Variants in APOL2 observed in about 807,000 individuals in gnomAD.
The protein encoded by APOL2 is apolipoprotein L, 2.
In APOL2, 8 loss-of-function variants were observed where a neutral mutation model predicts 7.1. That is an observed-to-expected ratio of 1.12 (90% CI 0.66 to 2.03). The LOEUF (loss-of-function observed/expected upper bound fraction) is 2.03, where lower values mean the gene tolerates loss of function less well. Ranked by LOEUF, APOL2 falls within the 30% of genes most tolerant of loss-of-function variation. The pLI is 0.00. For missense variants in APOL2, 471 were observed against 415.1 expected, an observed-to-expected ratio of 1.13 and a Z score of -1.17; for synonymous variants, 177 against 159.9, an observed-to-expected ratio of 1.11 and a Z score of -0.81.
upstream of APOL2, chr22:36,239,855 G>A (rs1053690162): frequency 2.1e-5 from 6 of 287,520 alleles, no homozygotes; most frequent in South Asian, 4.7e-5. Flanking sequence ...CCCAACCCCC[G>A]CCCCGATCTC....
Position 36,227,596 on chromosome 22 carries a change from G to T in APOL2, c.822C>A (p.Ile274=). 6.2e-7 allele frequency: 1 copy of T among 1,614,246 alleles called. No homozygotes were observed. The highest frequency in any genetic ancestry group is 1.1e-5 in the South Asian group (1 of 91,086). ...AGATGCCTCCAGTGGCTGCACCCAC[G>T]ATCATGGTTCCTCTGCTCATTGCCT... The part of the protein sequence containing the change: ...PAQAMSRGTM[I]VGAATGGILL... Residue 274 remains isoleucine (I), a synonymous_variant, in exon 5 of 5, where the codon ATC becomes ATA. Transcript: ENST00000358502.
intron 4 of APOL2, 90 bp from the exon 5 acceptor site, chr22:36,228,370 G>A: frequency 6.8e-7 from 1 of 1,479,570 alleles, no homozygotes; most frequent in Non-Finnish European, 9.1e-7. Context: ...GTAAATTGCA[G>A]AGCTTTCACT....
At chr22:36,239,764 G>C (rs1457889974), upstream of APOL2, 1 of 506,352 alleles carries the variant, frequency 2.0e-6, no homozygotes. Context: ...AAGGTCTGCT[G>C]TGTCAGCTGC....
chr22:36,231,731 A>G (rs1279615314), intron 3 of APOL2, among the ~76,000 whole-genome samples: 1 of 152,194 alleles, frequency 6.6e-6, no homozygotes, highest in Non-Finnish European at 1.5e-5. Flanking sequence ...CTCTAATCCT[A>G]CTAGAGGGCT....
Position 36,239,421 on chromosome 22 carries a change from T to C in APOL2, c.-134+20A>G. On this transcript the variant is annotated intron_variant, in intron 1 of 4. Coordinates refer to ENST00000358502, the MANE Select transcript of APOL2 (RefSeq NM_030882.4). Reference sequence around the variant, plus strand: ...GCAAGAATAAGGACATGGGGGTAGATCACACTATCCCCAACTTACCAAGGG... The same window carrying C: ...GCAAGAATAAGGACATGGGGGTAGACCACACTATCCCCAACTTACCAAGGG... The C allele has an allele frequency of 3.3e-6, 5 of 1,534,876 alleles. No homozygotes were observed. Among genetic ancestry groups the C allele is most frequent in the Non-Finnish European group, 4.4e-6 (5 of 1,143,758 alleles).
chr22:36,232,651 C>G (rs2015262913), intron 3 of APOL2, among the ~76,000 whole-genome samples: 1 of 152,128 alleles, frequency 6.6e-6, no homozygotes. Flanking sequence ...AAGTTGGAAG[C>G]TGGGTCAAGC....
upstream of APOL2, chr22:36,239,757 G>A (rs1603481299): frequency 2.0e-6 from 1 of 512,120 alleles, no homozygotes; most frequent in Non-Finnish European, 3.5e-6. Context: ...AGGATTCAAG[G>A]TCTGCTGTGT....
At chr22:36,228,828 G>A (rs2015116527) in intron 4 of APOL2, among the ~76,000 whole-genome samples, 1 of 152,150 alleles carries the variant, frequency 6.6e-6, no homozygotes, top group South Asian at 2.1e-4. Context: ...TAGGGTTTGG[G>A]GCTATTTGGT....
chr22:36,232,521 A>G (rs905801014), intron 3 of APOL2, among the ~76,000 whole-genome samples: 3 of 152,244 alleles, frequency 2.0e-5, no homozygotes, highest in African/African-American at 7.2e-5. Flanking sequence ...AGGTACCCTT[A>G]TAATATTTAA....
upstream of APOL2, chr22:36,239,552 C>A: frequency 2.6e-6 from 4 of 1,551,572 alleles, no homozygotes; most frequent in Non-Finnish European, 3.5e-6. Flanking sequence ...TCCGGCCTCC[C>A]AGATATACCC....
intron 1 of APOL2, 59 bp from the exon 2 acceptor site, chr22:36,233,514 A>G: frequency 6.9e-7 from 1 of 1,440,680 alleles, no homozygotes; most frequent in Non-Finnish European, 9.5e-7. Flanking sequence ...TCATTACAGA[A>G]ACTACAGAGT....
At chr22:36,228,695 C>G (rs770013196) in intron 4 of APOL2, among the ~76,000 whole-genome samples, 10 of 152,160 alleles carry the variant, frequency 6.6e-5, no homozygotes, top group Non-Finnish European at 1.3e-4. Flanking sequence ...CAAAGAGAGG[C>G]CTTCCCTTTG....
intron 4 of APOL2, among the ~76,000 whole-genome samples, chr22:36,230,709 A>C (rs1484912203): frequency 6.6e-6 from 1 of 152,156 alleles, no homozygotes; most frequent in Admixed American, 6.5e-5. Context: ...ATTGGACAGA[A>C]GACAGTTCCA....
At chr22:36,231,610 G>T in intron 3 of APOL2, 144 bp from the exon 4 acceptor site, 1 of 1,008,664 alleles carries the variant, frequency 9.9e-7, no homozygotes, top group Non-Finnish European at 1.4e-6. Flanking sequence ...GCTATAGAGG[G>T]ATTGTGTGCC....
chr22:36,236,731 G>A lies in APOL2; in HGVS notation c.-134+2710C>T, dbSNP rs988103347. ...AAAGCCCCCTCCTCAAAAGCCACTC[G>A]CCTCCCTCTTTCCACTTCCCACCTC... On this transcript the variant is annotated intron_variant, in intron 1 of 4. Transcript: ENST00000358502. 13 of 985,128 alleles carry A rather than the reference G, an allele frequency of 1.3e-5. No individual in the cohort carries two copies. The African/African-American group carries it at 1.9e-4, about 15-fold the overall frequency. The allele number at this position is 985,128 out of a possible 1,614,324, so 61.0% of individuals were successfully genotyped here.
At chr22:36,233,822 T>C (rs2015312241) in intron 1 of APOL2, among the ~76,000 whole-genome samples, 2 of 152,218 alleles carry the variant, frequency 1.3e-5, no homozygotes, top group Non-Finnish European at 2.9e-5. Flanking sequence ...CTCCCTTAAA[T>C]ATACAATATT....
intron 1 of APOL2, among the ~76,000 whole-genome samples, chr22:36,237,860 C>T (rs545832554): frequency 4.6e-5 from 7 of 152,302 alleles, no homozygotes; most frequent in African/African-American, 9.6e-5. Context: ...CGCCCTGCTT[C>T]GGTGCCTCCT....
At chr22:36,237,085 C>T (rs754005748) in intron 1 of APOL2, 185 of 1,532,616 alleles carry the variant, frequency 1.2e-4, no homozygotes, top group Non-Finnish European at 1.5e-4. Flanking sequence ...TGAGGAGCTG[C>T]ATCCAGGATC....
At chr22:36,239,094 T>C in intron 1 of APOL2, 2 of 1,148,676 alleles carry the variant, frequency 1.7e-6, no homozygotes, top group Non-Finnish European at 2.2e-6. Flanking sequence ...CTTCTTTGAT[T>C]CCTTCAAATT....
Sources: gnomAD v4.1 joint callset for allele counts (sites outside exome capture counted in the v4.1 genomes callset) on GRCh38, gnomAD v4.1.1 for gene constraint, MANE v1.5 for transcripts, NCBI Gene and HGNC (gene_info 2026-07-23, HGNC 2026-07-21) for gene names.